The following UNC13C variants were observed in gnomAD, a reference collection of about 807,000 sequenced individuals.
UNC13C encodes unc-13 homolog C, also known as protein unc-13 homolog C.
Under a neutral mutation model 245.4 loss-of-function variants are expected in UNC13C, and 174 were observed. The ratio of observed to expected loss-of-function variants is 0.71; its 90% CI spans 0.63 to 0.80. The LOEUF (loss-of-function observed/expected upper bound fraction) is 0.80. UNC13C is among the 30% of genes least tolerant of loss of function. The probability of loss-of-function intolerance (pLI) is 0.00; values close to 1 mark genes in which losing one functional copy is unlikely to be tolerated. For missense variants in UNC13C, 2,829 were observed against 2,602.9 expected (o/e 1.09, Z -1.89); for synonymous variants, 992 against 895.1 (o/e 1.11, Z -1.93).
intron 2 of UNC13C, among the ~76,000 whole-genome samples, chr15:54,113,344 T>C (rs1008373255): frequency 1.3e-5 from 2 of 152,154 alleles, no homozygotes; most frequent in Non-Finnish European, 2.9e-5. Flanking sequence ...AGACAAGTAG[T>C]GGGAAAATCA....
intron 19 of UNC13C, among the ~76,000 whole-genome samples, chr15:54,494,308 T>C (rs1421677850): frequency 6.6e-6 from 1 of 152,158 alleles, no homozygotes; most frequent in African/African-American, 2.4e-5. Flanking sequence ...AATTTGCAGA[T>C]AAACAGAAAT....
chr15:54,353,976 T>A (rs2039039540), intron 17 of UNC13C, among the ~76,000 whole-genome samples: 2 of 152,120 alleles, frequency 1.3e-5, no homozygotes, highest in African/African-American at 4.8e-5. Flanking sequence ...CTCTTACAAT[T>A]CCTAGGGAAG....
chr15:53,908,415 G>A, the UNC13C span, among the ~76,000 whole-genome samples: 1 of 146,112 alleles, frequency 6.8e-6, no homozygotes, highest in Admixed American at 7.1e-5. Flanking sequence ...AAATGAAATG[G>A]TCAGGCTAGC....
chr15:54,153,096 C>T (rs970597986), intron 4 of UNC13C, among the ~76,000 whole-genome samples: 3 of 152,072 alleles, frequency 2.0e-5, no homozygotes, highest in Admixed American at 6.6e-5. Flanking sequence ...TTATTTAAAG[C>T]AACAAGTTTG....
intron 29 of UNC13C, among the ~76,000 whole-genome samples, chr15:54,567,116 A>G (rs1897550259): frequency 6.6e-6 from 1 of 152,146 alleles, no homozygotes; most frequent in African/African-American, 2.4e-5. Flanking sequence ...AAATGCTAAC[A>G]TCCCTCAGTG....
intron 3 of UNC13C, 91 bp downstream of exon 3, chr15:54,143,131 T>G (rs1159618151): frequency 1.6e-6 from 2 of 1,282,810 alleles, no homozygotes; most frequent in Non-Finnish European, 2.2e-6. Context: ...GATTCCTCTG[T>G]TTTAGTTTTG....
chr15:54,113,577 A>G (rs2029984636), intron 2 of UNC13C, among the ~76,000 whole-genome samples: 1 of 152,186 alleles, frequency 6.6e-6, no homozygotes, highest in Non-Finnish European at 1.5e-5. Context: ...CTGTAATCCC[A>G]GCACTTTGGG....
At chr15:54,438,035 A>G (rs1424460827) in intron 19 of UNC13C, among the ~76,000 whole-genome samples, 1 of 151,914 alleles carries the variant, frequency 6.6e-6, no homozygotes, top group African/African-American at 2.4e-5. Flanking sequence ...GAACTAGGGT[A>G]AAATACACTT....
chr15:54,387,470 G>A (rs143367910), intron 17 of UNC13C, among the ~76,000 whole-genome samples: 2,260 of 152,050 alleles, frequency 0.015, 20 homozygotes, highest in Non-Finnish European at 0.024. Flanking sequence ...TAGCAGTGAG[G>A]GCAACTAGAG....
chr15:54,215,656 G>A (rs1159161183), intron 4 of UNC13C, among the ~76,000 whole-genome samples: 1 of 151,844 alleles, frequency 6.6e-6, no homozygotes, highest in Non-Finnish European at 1.5e-5. Context: ...AAATATTATG[G>A]CAGTTTGAAT....
At chr15:54,291,744 A>C (rs567707675) in intron 10 of UNC13C, among the ~76,000 whole-genome samples, 1 of 152,024 alleles carries the variant, frequency 6.6e-6, no homozygotes, top group African/African-American at 2.4e-5. Context: ...AGTAGTTCTC[A>C]ACCCTGTCAG....
chr15:54,212,977 G>C (rs190551316), intron 4 of UNC13C, among the ~76,000 whole-genome samples: 1 of 152,008 alleles, frequency 6.6e-6, no homozygotes, highest in Admixed American at 6.6e-5. Flanking sequence ...CAACATTTTG[G>C]ATTAGAGACA....
intron 17 of UNC13C, among the ~76,000 whole-genome samples, chr15:54,366,553 T>C (rs899725068): frequency 9.9e-5 from 15 of 152,148 alleles, no homozygotes; most frequent in African/African-American, 3.6e-4. Flanking sequence ...TTTTTTGATA[T>C]CTTAGGTTTA....
At chr15:54,093,978 G>A (rs1899710889) in intron 2 of UNC13C, among the ~76,000 whole-genome samples, 2 of 36,902 alleles carry the variant, frequency 5.4e-5, no homozygotes, top group Admixed American at 2.2e-4. Flanking sequence ...GCACCAACTG[G>A]TGTGCATTGA....
intron 2 of UNC13C, among the ~76,000 whole-genome samples, chr15:54,083,102 C>A (rs531371726): frequency 6.6e-6 from 1 of 152,214 alleles, no homozygotes; most frequent in African/African-American, 2.4e-5. Context: ...GGGGAAGTGC[C>A]CACCCTGATG....
intron 2 of UNC13C, among the ~76,000 whole-genome samples, chr15:54,086,124 T>G (rs1239716355): frequency 6.6e-6 from 1 of 152,200 alleles, no homozygotes; most frequent in Admixed American, 6.5e-5. Flanking sequence ...ATAAGTTAGT[T>G]AACCATATTC....
chr15:53,874,967 A>G, the UNC13C span, among the ~76,000 whole-genome samples: 1 of 151,972 alleles, frequency 6.6e-6, no homozygotes, highest in East Asian at 1.9e-4. Flanking sequence ...GGTGGCATGC[A>G]CCTGAATCCC....
At chr15:54,096,766 G>A (rs1314341668) in intron 2 of UNC13C, among the ~76,000 whole-genome samples, 1 of 152,036 alleles carries the variant, frequency 6.6e-6, no homozygotes, top group Non-Finnish European at 1.5e-5. Context: ...CAGGCCAGCA[G>A]CAGAATAAAG....
At chr15:54,377,857 C>A (rs1451742651) in intron 17 of UNC13C, among the ~76,000 whole-genome samples, 2 of 152,124 alleles carry the variant, frequency 1.3e-5, no homozygotes, top group Admixed American at 6.6e-5. Flanking sequence ...GATTAGGTAT[C>A]AATGTATGAA....
Sources: allele counts gnomAD v4.1 joint callset (sites outside exome capture counted in the v4.1 genomes callset), GRCh38; gene constraint gnomAD v4.1.1; transcripts MANE v1.5; gene names NCBI Gene and HGNC (gene_info 2026-07-23, HGNC 2026-07-21).